ADAP1: variants seen among roughly 807,000 people sequenced by gnomAD.
ADAP1 encodes the protein ArfGAP with dual PH domains 1.
ADAP1 carries 31 observed loss-of-function variants against 54.9 expected under a neutral mutation model. That is an observed-to-expected ratio of 0.56 (90% CI 0.42 to 0.76). The LOEUF is 0.76. ADAP1 is among the 30% of genes least tolerant of loss of function. The pLI is 0.00. For synonymous variants in ADAP1, 313 were observed against 202.6 expected (o/e 1.55, Z -4.63); for missense variants, 535 against 512.4 (o/e 1.04, Z -0.42).
At chr7:898,975 G>A (rs1276388029) in intron 10 of ADAP1, 26 bp from the exon 11 acceptor site, 1 of 1,611,406 alleles carries the variant, frequency 6.2e-7, no homozygotes, top group African/African-American at 1.3e-5. Flanking sequence ...GTCCAGCGTT[G>A]TCACAGCGGC....
chr7:911,907 C>A (rs775199913), intron 4 of ADAP1, among the ~76,000 whole-genome samples: 2 of 152,222 alleles, frequency 1.3e-5, no homozygotes, highest in African/African-American at 2.4e-5. Context: ...CCCGTCCCCC[C>A]GAGGGGCAGC....
intron 2 of ADAP1, chr7:927,113 G>A (rs183888494): frequency 5.4e-6 from 7 of 1,304,130 alleles, no homozygotes; most frequent in African/African-American, 1.5e-5. Context: ...GCTGGTGAGC[G>A]AGAGACCCAG....
rs545514134 is a variant in ADAP1 at position 898,706 on chromosome 7, G to A, written c.*215C>T. The A allele has an allele frequency of 1.8e-4, 112 of 625,208 alleles. No individual in the cohort carries two copies. The highest frequency in any genetic ancestry group is 2.8e-4 in the Non-Finnish European group (100 of 360,650). The allele number at this position is 625,208 out of a possible 1,614,324, so 38.7% of individuals were successfully genotyped here. ...TGGGTGTGGTCAGCAGCAGCATGAC[G>A]GGGTTAGAGATCAGGCCCAGGGCCT... On this transcript the variant is annotated 3_prime_UTR_variant, in exon 11 of 11. Coordinates refer to ENST00000265846, the MANE Select transcript of ADAP1 (RefSeq NM_006869.4).
intron 1 of ADAP1, among the ~76,000 whole-genome samples, chr7:949,235 G>C (rs1196810941): frequency 6.6e-6 from 1 of 152,242 alleles, no homozygotes; most frequent in East Asian, 1.9e-4. Flanking sequence ...TTCAGCCCTT[G>C]TGGGCCTCTG....
rs1487605205 is a variant in ADAP1 at position 921,015 on chromosome 7, C to T, written c.306-965G>A. 8.7e-6 allele frequency: 6 copies of T among 688,636 alleles called. No individual in the cohort carries two copies. In the Admixed American group the frequency reaches 1.7e-4, roughly 19 times the overall value. The allele number at this position is 688,636 out of a possible 1,614,324, so 42.7% of individuals were successfully genotyped here. A position where few individuals can be genotyped will look rare whatever the true frequency, so the allele number is the denominator to read the frequency against. Reference sequence around the variant, plus strand: ...ATGGGTCCCAGCTGGGTCTCTGGCCCCTGGCCCCAGGTGTGTGTGTGTCCC... The same window carrying T: ...ATGGGTCCCAGCTGGGTCTCTGGCCTCTGGCCCCAGGTGTGTGTGTGTCCC... On this transcript the variant is annotated intron_variant, in intron 3 of 10. Coordinates refer to ENST00000265846, the MANE Select transcript of ADAP1 (RefSeq NM_006869.4).
At chr7:924,938 G>T (rs774969075) in intron 3 of ADAP1, among the ~76,000 whole-genome samples, 4 of 152,076 alleles carry the variant, frequency 2.6e-5, no homozygotes, top group South Asian at 2.1e-4. Flanking sequence ...GAGGGCTCAG[G>T]GGGAGACAGC....
upstream of ADAP1, chr7:955,145 A>C: frequency 6.0e-6 from 4 of 664,052 alleles, no homozygotes; most frequent in South Asian, 5.3e-5. Context: ...CAGGGCCCAG[A>C]CGGAGCCTCC....
intron 4 of ADAP1, among the ~76,000 whole-genome samples, chr7:905,768 A>AGAAGGGAGCAG (rs1845220026): frequency 1.3e-4 from 1 of 7,794 alleles, no homozygotes; most frequent in Non-Finnish European, 3.1e-4. Flanking sequence ...GAAGGGAGAA[A>AGAAGGGAGCAG]GGAGAAAGGA....
At chr7:918,923 CTGCTGGGGGGCAGAGTTG>C (rs1846045179) in intron 4 of ADAP1, among the ~76,000 whole-genome samples, 2 of 44,324 alleles carry the variant, frequency 4.5e-5, no homozygotes, top group Non-Finnish European at 8.0e-5. Context: ...GAGTTGGGGA[CTGCTGGGGGGCAGAGTTG>C]GGGACTGCTG....
At chr7:909,805 CCG>C (rs1440259429) in intron 4 of ADAP1, among the ~76,000 whole-genome samples, 1 of 152,012 alleles carries the variant, frequency 6.6e-6, no homozygotes, top group Non-Finnish European at 1.5e-5. Context: ...CTACCGCGTG[CCG>C]CGCCCTGCTG....
rs949655896 is a variant in ADAP1, at chr7:938,564, C to T, written c.83-3059G>A. ...AGTCCCAGAAGAGAGAGACCTGACT[C>T]CCCCCGGGCTCCGTCTTCTCCCGAA... On this transcript the variant is annotated intron_variant, in intron 1 of 10. Transcript: ENST00000265846. The surrounding 1 kb of genome is among the most constrained non-coding windows in gnomAD (Gnocchi z 4.4). Among the ~76,000 whole-genome samples the T allele has an allele frequency of 4.6e-5, 7 of 152,138 alleles. No individual in the cohort carries two copies. The highest frequency in any genetic ancestry group is 4.6e-4 in the Admixed American group (7 of 15,270).
intron 1 of ADAP1, 25 bp from the exon 2 acceptor site, chr7:935,530 C>T (rs1320657153): frequency 6.4e-7 from 1 of 1,556,530 alleles, no homozygotes; most frequent in Non-Finnish European, 8.7e-7. Flanking sequence ...CGGACGTTCA[C>T]GGAGGCTCAG....
Position 938,986 on chromosome 7 carries a change from C to T in ADAP1, c.83-3481G>A, listed in dbSNP as rs1283871090. Reference sequence around the variant, plus strand: ...TGCTCCGGGACAGGCTGTCCCTCTCCTGGCCTGGAAGGAGGCCTGTTCACA... The same window carrying T: ...TGCTCCGGGACAGGCTGTCCCTCTCTTGGCCTGGAAGGAGGCCTGTTCACA... On this transcript the variant is annotated intron_variant, in intron 1 of 10. Transcript: ENST00000265846. The surrounding 1 kb of genome is among the most constrained non-coding windows in gnomAD (Gnocchi z 4.4). Among the ~76,000 whole-genome samples the T allele has an allele frequency of 6.6e-6, 1 of 152,210 alleles. No individual in the cohort carries two copies.
intron 4 of ADAP1, among the ~76,000 whole-genome samples, chr7:917,765 T>G (rs1845995323): frequency 6.6e-6 from 1 of 151,936 alleles, no homozygotes; most frequent in South Asian, 2.1e-4. Flanking sequence ...GATTCACAAA[T>G]ACGATTCATC....
intron 8 of ADAP1, 60 bp downstream of exon 8, chr7:900,042 G>A: frequency 6.3e-7 from 1 of 1,594,888 alleles, no homozygotes; most frequent in Admixed American, 1.7e-5. Context: ...CTGCACTTCA[G>A]TCCGAGACCC....
intron 4 of ADAP1, among the ~76,000 whole-genome samples, chr7:910,453 G>A (rs994929353): frequency 5.9e-5 from 9 of 152,100 alleles, no homozygotes; most frequent in African/African-American, 1.4e-4. Flanking sequence ...AGCTCACTGC[G>A]TTGCCCAGGC....
At chr7:912,697 C>T (rs569696823) in intron 4 of ADAP1, among the ~76,000 whole-genome samples, 4 of 152,208 alleles carry the variant, frequency 2.6e-5, no homozygotes, top group African/African-American at 9.6e-5. Context: ...GCTTCCCTCA[C>T]TCCTCTTGCA....
intron 4 of ADAP1, 59 bp downstream of exon 4, chr7:919,909 G>A (rs1309381675): frequency 1.0e-5 from 14 of 1,337,860 alleles, no homozygotes; most frequent in East Asian, 5.2e-5. Context: ...GATGGGGGAG[G>A]GAGGGAGAGA....
chr7:927,438 T>C, intron 2 of ADAP1: 1 of 480,090 alleles, frequency 2.1e-6, no homozygotes, highest in Non-Finnish European at 4.2e-6. Context: ...TTCTGCTTGC[T>C]ATGCTGTAAG....
Sources: gnomAD v4.1 joint callset for allele counts (sites outside exome capture counted in the v4.1 genomes callset) on GRCh38, gnomAD v4.1.1 for gene constraint, Gnocchi (gnomAD v3.1) non-coding constraint, MANE v1.5 for transcripts, NCBI Gene and HGNC (gene_info 2026-07-23, HGNC 2026-07-21) for gene names.